Variants in SHOX observed in about 807,000 individuals in gnomAD.
The protein encoded by SHOX is SHOX homeobox.
Under a neutral mutation model 29.6 loss-of-function variants are expected in SHOX, and 12 were observed. The observed-to-expected ratio is 0.41, with a 90% CI of 0.26 to 0.66. SHOX has a LOEUF of 0.66. Ranked by LOEUF, SHOX falls within the 30% of genes least tolerant of loss-of-function variation. The pLI, the probability that SHOX is intolerant of heterozygous loss-of-function variation, is 0.35. For missense variants in SHOX, 499 were observed against 437.7 expected (o/e 1.14, Z -1.25); for synonymous variants, 214 against 200.6 (o/e 1.07, Z -0.57).
chrX:641,301 C>A (rs185012048), intron 4 of SHOX, among the ~76,000 whole-genome samples: 31 of 152,260 alleles, frequency 2.0e-4, no homozygotes, highest in Non-Finnish European at 3.4e-4. Context: ...GTGGCTCACA[C>A]CTGTCATCCC....
At chrX:633,551 C>T (rs1025388067) in intron 1 of SHOX, among the ~76,000 whole-genome samples, 15 of 152,134 alleles carry the variant, frequency 9.9e-5, no homozygotes, top group African/African-American at 3.1e-4. Context: ...GTATTTACCC[C>T]GTTCCCTGTA....
At chrX:624,904 C>CTTTCTTCCTTTCTT (rs2052485772) in intron 1 of SHOX, among the ~76,000 whole-genome samples, 1 of 94,850 alleles carries the variant, frequency 1.1e-5, no homozygotes, top group Non-Finnish European at 2.1e-5. Context: ...CTTTCTTTCT[C>CTTTCTTCCTTTCTT]TCTTCCTTTC....
At chrX:641,168 G>C in intron 4 of SHOX, 81 bp downstream of exon 4, 1 of 1,317,770 alleles carries the variant, frequency 7.6e-7, no homozygotes, top group South Asian at 1.2e-5. Flanking sequence ...GCCGCATCCT[G>C]ACACTCCTAG....
Position 658,691 on chromosome X carries a change from C to T in SHOX, c.634-94C>T, listed in dbSNP as rs367662107. 1.8e-3 allele frequency: 431 copies of T among 235,200 alleles called. 2 individuals carry two copies. The highest frequency in any genetic ancestry group is 9.7e-3 in the African/African-American group (408 of 42,212). The allele number at this position is 235,200 out of a possible 1,614,324, so 14.6% of individuals were successfully genotyped here. On this transcript the variant is annotated intron_variant, in intron 5 of 5. Transcript: ENST00000334060. ...TTCACCGTGTTAGCCAGGAAGGTCT[C>T]GATCTCCTGACCTCATGATCCGTCC...
rs773177314 is a variant in SHOX, at chrX:634,805, G to A, written c.465G>A (p.Gly155=). The A allele has an allele frequency of 8.9e-6, 14 of 1,579,920 alleles. No homozygotes were observed. The highest frequency in any genetic ancestry group is 2.3e-5 in the East Asian group (1 of 43,132). The change falls in exon 2 of 5, where the codon GGG becomes GGA. Residue 155 remains glycine, a synonymous_variant. Coordinates refer to ENST00000686671, the MANE Select transcript of SHOX (RefSeq NM_000451.4). ...GCGAGGAGCTCAGCCAGCGCCTGGG[G>A]CTCTCCGAGGCGCGCGTGCAGGTAG... is the stretch of plus-strand genomic sequence containing the variant. ...FMREELSQRL[G]LSEARVQVWF...
chrX:630,686 C>T (rs1051868949), upstream of SHOX: 8 of 627,546 alleles, frequency 1.3e-5, no homozygotes, highest in Non-Finnish European at 2.2e-5. Flanking sequence ...TCTCTGCGTG[C>T]GTCCGCCGCG....
At chrX:654,000 G>A (rs1302099789), downstream of SHOX, among the ~76,000 whole-genome samples, 7 of 151,894 alleles carry the variant, frequency 4.6e-5, no homozygotes, top group South Asian at 4.2e-4. Context: ...AAATAGTGTC[G>A]GTCGTCTACT....
intron 4 of SHOX, among the ~76,000 whole-genome samples, chrX:642,038 T>G (rs978043503): frequency 1.3e-5 from 2 of 152,172 alleles, no homozygotes; most frequent in Non-Finnish European, 2.9e-5. Flanking sequence ...CAGCGTGGAT[T>G]TGGGGCTTCC....
Position 648,889 on chromosome X carries a change from C to CTTCCTTCCTTCCTTCCTTCCT in SHOX, c.*4254_*4255insTCCTTCCTTCCTTCCTTCCTT, listed in dbSNP as rs1556471454. Among the ~76,000 whole-genome samples the CTTCCTTCCTTCCTTCCTTCCT allele has an allele frequency of 5.6e-5, 8 of 141,966 alleles. No homozygotes were observed. Among genetic ancestry groups the CTTCCTTCCTTCCTTCCTTCCT allele is most frequent in the African/African-American group, 2.1e-4 (8 of 37,716 alleles). 93.1% of individuals were successfully genotyped at this position (141,966 alleles called of 152,430 possible). A position where few individuals can be genotyped will look rare whatever the true frequency, so the allele number is the denominator to read the frequency against. ...ACCAACGCCCTCTTCTCTCTCCCTT[C>CTTCCTTCCTTCCTTCCTTCCT]TCCTTCCTTCCTTCCTTCCTTTCTT... On this transcript the variant is annotated 3_prime_UTR_variant, in exon 5 of 5. Coordinates refer to ENST00000686671, the MANE Select transcript of SHOX (RefSeq NM_000451.4).
rs1164842145 is a variant in SHOX, at chrX:636,331, CATATAAACATATATAAAT to C, written c.486+1529_486+1546del. On this transcript the variant is annotated intron_variant, in intron 2 of 4. Coordinates refer to ENST00000686671, the MANE Select transcript of SHOX (RefSeq NM_000451.4). ...TAAAATATGTATAAATATATATAAA[CATATAAACATATATAAAT>C]ATATAAACATATATAAATATATACA... Among the ~76,000 whole-genome samples, 4 of 13,540 alleles carry C rather than the reference CATATAAACATATATAAAT, an allele frequency of 3.0e-4. No individual in the cohort carries two copies. The South Asian group carries it at 7.2e-3, about 24-fold the overall frequency. The allele number at this position is 13,540 out of a possible 152,430, so 8.9% of individuals were successfully genotyped here.
rs754571718 is a variant in SHOX, at chrX:624,825, T to C, written c.-433+223T>C. On this transcript the variant is annotated intron_variant, in intron 1 of 5. Coordinates refer to the SHOX transcript ENST00000334060. The stretch of plus-strand genomic sequence containing the variant: ...GCTTTGCCTTCTTTCCTTCCTTCGT[T>C]CTTTCCTTCCTTCCTTCCTCTCTTC... Among the ~76,000 whole-genome samples the C allele has an allele frequency of 4.9e-4, 74 of 150,094 alleles. 1 individual carries two copies. Among genetic ancestry groups the C allele is most frequent in the African/African-American group, 1.8e-3 (73 of 40,898 alleles).
At chrX:635,636 T>G (rs28430941) in intron 2 of SHOX, among the ~76,000 whole-genome samples, 6 of 152,142 alleles carry the variant, frequency 3.9e-5, no homozygotes, top group African/African-American at 9.7e-5. Flanking sequence ...GACCAGGCAC[T>G]GGGGGGCGGA....
intron 4 of SHOX, among the ~76,000 whole-genome samples, chrX:641,687 CAA>C (rs35181650): frequency 0.18 from 22,191 of 123,472 alleles, 3,189 homozygotes; most frequent in African/African-American, 0.4. Flanking sequence ...GACTCCATCT[CAA>C]AAAAAAAAAA....
intron 2 of SHOX, among the ~76,000 whole-genome samples, chrX:635,856 G>C (rs1009464060): frequency 2.5e-3 from 155 of 63,258 alleles, no homozygotes; most frequent in Middle Eastern, 7.6e-3. Flanking sequence ...AGTGGGGGGA[G>C]GGAGAGAGAG....
chrX:636,058 C>G (rs1467878), intron 2 of SHOX, among the ~76,000 whole-genome samples: 141,000 of 151,974 alleles, frequency 0.93, 65,536 homozygotes, highest in East Asian at 0.98. Context: ...AGCTTGCTCT[C>G]GATTTTGCTG....
chrX:644,361 G>T (rs1456817990), intron 4 of SHOX, 30 bp from the exon 5 acceptor site: 16 of 1,512,624 alleles, frequency 1.1e-5, no homozygotes, highest in Non-Finnish European at 1.4e-5. Context: ...CCCATCCTGC[G>T]CCCTCACCCC....
upstream of SHOX, among the ~76,000 whole-genome samples, chrX:628,283 CTCTCTT>C (rs2061095642): frequency 1.3e-5 from 2 of 150,542 alleles, no homozygotes; most frequent in Admixed American, 6.6e-5. Context: ...CTCCCTGTCT[CTCTCTT>C]TCTCTGTCTC....
downstream of SHOX, among the ~76,000 whole-genome samples, chrX:654,755 G>T (rs1370447851): frequency 1.3e-5 from 2 of 152,106 alleles, no homozygotes; most frequent in Non-Finnish European, 2.9e-5. Context: ...CGTGATCTCA[G>T]CTCACTGTAA....
At chrX:625,388 G>C (rs1309305216) in intron 1 of SHOX, among the ~76,000 whole-genome samples, 1 of 152,076 alleles carries the variant, frequency 6.6e-6, no homozygotes, top group African/African-American at 2.4e-5. Flanking sequence ...CATACAGGGA[G>C]GCGGTCACAT....
Sources: gnomAD v4.1 joint callset for allele counts (sites outside exome capture counted in the v4.1 genomes callset) on GRCh38, gnomAD v4.1.1 for gene constraint, MANE v1.5 for transcripts, NCBI Gene and HGNC (gene_info 2026-07-23, HGNC 2026-07-21) for gene names.